SULF1: variants seen among roughly 807,000 people sequenced by gnomAD.
SULF1 encodes the protein sulfatase 1.
SULF1 carries 46 observed loss-of-function variants against 110.5 expected under a neutral mutation model. The ratio of observed to expected loss-of-function variants is 0.42; its 90% CI spans 0.33 to 0.53. The LOEUF (loss-of-function observed/expected upper bound fraction) is 0.53, where lower values mean the gene tolerates loss of function less well. Ranked by LOEUF, SULF1 falls within the 20% of genes least tolerant of loss-of-function variation. The pLI is 0.12. For missense variants in SULF1, 941 were observed against 1,094.2 expected (o/e 0.86, Z 1.98); for synonymous variants, 371 against 387.1 (o/e 0.96, Z 0.49).
intron 1 of SULF1, among the ~76,000 whole-genome samples, chr8:69,487,138 A>C (rs558654557): frequency 6.6e-6 from 1 of 152,336 alleles, no homozygotes; most frequent in Non-Finnish European, 1.5e-5. Context: ...ACTGCAGGCC[A>C]ATTTATTTGG....
At chr8:69,533,577 G>A (rs774541400) in intron 3 of SULF1, among the ~76,000 whole-genome samples, 9 of 152,114 alleles carry the variant, frequency 5.9e-5, no homozygotes, top group East Asian at 1.9e-4. Context: ...TGCAAAGGAC[G>A]TGATCTCATT....
At chr8:69,608,044 A>G (rs552401568) in intron 13 of SULF1, among the ~76,000 whole-genome samples, 94 of 152,236 alleles carry the variant, frequency 6.2e-4, no homozygotes, top group African/African-American at 2.2e-3. Context: ...CTCCTACCAC[A>G]TCTTTGTGCC....
intron 3 of SULF1, among the ~76,000 whole-genome samples, chr8:69,543,719 C>T (rs1814023810): frequency 6.6e-6 from 1 of 152,108 alleles, no homozygotes; most frequent in Admixed American, 6.5e-5. Context: ...TGACAAATAG[C>T]CACATCATTT....
In SULF1 at chr8:69,659,049, C is replaced by T. The variant is rs1279867758; in HGVS notation, c.*514C>T. 1.8e-5 allele frequency: 8 copies of T among 456,956 alleles called. No homozygotes were observed. The highest frequency in any genetic ancestry group is 7.0e-5 in the Admixed American group (3 of 42,574). The allele number at this position is 456,956 out of a possible 1,614,324, so 28.3% of individuals were successfully genotyped here. ...GCGATGGCATGACAGAGCTAGAGCT[C>T]GGGCCCAGCCCCAGGCTGCAGCCCA... On this transcript the variant is annotated 3_prime_UTR_variant, in exon 23 of 23. Coordinates refer to ENST00000402687, the MANE Select transcript of SULF1 (RefSeq NM_001128205.2).
At position 69,658,589 on chromosome 8, in the gene SULF1, G is replaced by A; in HGVS notation, c.*54G>A. The stretch of plus-strand genomic sequence containing the variant: ...TGGCAAGGCCTAGAGGAGCTACACA[G>A]TGTGAATGAAAACATCTATGAGTAC... On this transcript the variant is annotated 3_prime_UTR_variant, in exon 23 of 23. Transcript: ENST00000402687. 2 of 1,464,056 alleles carry A rather than the reference G, an allele frequency of 1.4e-6. No individual in the cohort carries two copies. Among genetic ancestry groups the A allele is most frequent in the Non-Finnish European group, 1.9e-6 (2 of 1,043,184 alleles). The allele number at this position is 1,464,056 out of a possible 1,614,324, so 90.7% of individuals were successfully genotyped here.
chr8:69,582,189 A>G (rs1243120952), intron 6 of SULF1, among the ~76,000 whole-genome samples: 3 of 150,940 alleles, frequency 2.0e-5, no homozygotes, highest in African/African-American at 7.4e-5. Flanking sequence ...TAAAGTGCAG[A>G]AAAAAAAATT....
intron 10 of SULF1, 95 bp downstream of exon 10, chr8:69,601,924 C>T: frequency 7.5e-7 from 1 of 1,332,258 alleles, no homozygotes; most frequent in Non-Finnish European, 1.0e-6. Context: ...TTCCTTTCAT[C>T]CAAAACAAAA....
intron 6 of SULF1, among the ~76,000 whole-genome samples, chr8:69,582,678 T>G (rs949453281): frequency 3.7e-5 from 5 of 136,298 alleles, no homozygotes; most frequent in Admixed American, 2.2e-4. Context: ...CTATGCTTTT[T>G]GCCTTCTTGG....
rs191238908 is a variant in SULF1 at position 69,660,439 on chromosome 8, T to A, written c.*1904T>A. 4.6e-3 allele frequency: 708 copies of A among 152,728 alleles called. 3 individuals carry two copies. The highest frequency in any genetic ancestry group is 6.9e-3 in the Non-Finnish European group (470 of 68,016). 9.5% of individuals were successfully genotyped at this position (152,728 alleles called of 1,614,324 possible). On this transcript the variant is annotated 3_prime_UTR_variant, in exon 23 of 23. Transcript: ENST00000402687. ...TATTCTTGAAAATATCCTTGTTGTG[T>A]ATTAGGTTTTTAAATACCAGCTAAA...
At position 69,628,167 on chromosome 8, in the gene SULF1, G is replaced by A. The variant is rs1236641223; in HGVS notation, c.2043-4G>A. 6 of 1,611,880 alleles carry A rather than the reference G, an allele frequency of 3.7e-6. No homozygotes were observed. Among genetic ancestry groups the A allele is most frequent in the Non-Finnish European group, 5.1e-6 (6 of 1,178,156 alleles). ...GTCTCACTTTTTAATCTTCTCTCCT[G>A]CAGCTATTACAATAAAGAGAAAGGT... On this transcript the variant is annotated splice_region_variant and splice_polypyrimidine_tract_variant and intron_variant, in intron 17 of 22. Transcript: ENST00000402687.
At chr8:69,530,189 C>T (rs1467204114) in intron 3 of SULF1, among the ~76,000 whole-genome samples, 2 of 152,076 alleles carry the variant, frequency 1.3e-5, no homozygotes, top group African/African-American at 4.8e-5. Flanking sequence ...ATTCTATTGC[C>T]CTACTGCTTG....
At chr8:69,646,391 G>A (rs980229432) in intron 22 of SULF1, among the ~76,000 whole-genome samples, 1 of 151,120 alleles carries the variant, frequency 6.6e-6, no homozygotes, top group African/African-American at 2.4e-5. Flanking sequence ...TAACCCTCTC[G>A]ATAACTTCGT....
intron 10 of SULF1, 110 bp from the exon 11 acceptor site, chr8:69,603,082 G>A: frequency 6.8e-7 from 1 of 1,465,482 alleles, no homozygotes; most frequent in Admixed American, 1.8e-5. Flanking sequence ...GACCAGATGA[G>A]AGGGTGAGAA....
At chr8:69,589,705 G>T (rs888319148) in intron 8 of SULF1, among the ~76,000 whole-genome samples, 1 of 152,116 alleles carries the variant, frequency 6.6e-6, no homozygotes, top group Non-Finnish European at 1.5e-5. Context: ...CTTGGAGATG[G>T]GGGGTGGGAA....
At chr8:69,475,124 A>C (rs1000869477) in intron 1 of SULF1, among the ~76,000 whole-genome samples, 3 of 151,862 alleles carry the variant, frequency 2.0e-5, no homozygotes, top group Non-Finnish European at 4.4e-5. Flanking sequence ...GAAAAAAAGG[A>C]ATGGAAGAGG....
intron 1 of SULF1, among the ~76,000 whole-genome samples, chr8:69,467,584 T>C (rs1808908741): frequency 6.6e-6 from 1 of 152,206 alleles, no homozygotes; most frequent in African/African-American, 2.4e-5. Context: ...AGGAGGAAAA[T>C]GCTCTTTAAC....
At position 69,575,960 on chromosome 8, in the gene SULF1, T is replaced by G. The variant is rs1364559679; in HGVS notation, c.173-10T>G. ...ACTTTGCTAAACAATGCTGGCACTG[T>G]GCCTTTCAGGGTCCCTGCAAGTCAT... is the stretch of plus-strand genomic sequence containing the variant. On this transcript the variant is annotated splice_polypyrimidine_tract_variant and intron_variant, in intron 5 of 22. Transcript: ENST00000402687. 1 of 1,613,208 alleles carries G rather than the reference T, an allele frequency of 6.2e-7. No individual in the cohort carries two copies. Among genetic ancestry groups the G allele is most frequent in the Non-Finnish European group, 8.5e-7 (1 of 1,179,596 alleles).
chr8:69,513,321 T>C (rs1319495676), intron 3 of SULF1, among the ~76,000 whole-genome samples: 1 of 152,186 alleles, frequency 6.6e-6, no homozygotes, highest in Non-Finnish European at 1.5e-5. Flanking sequence ...CCTGTGGAAA[T>C]AGAGCCAGAA....
At chr8:69,515,405 G>T (rs932801700) in intron 3 of SULF1, among the ~76,000 whole-genome samples, 1 of 152,296 alleles carries the variant, frequency 6.6e-6, no homozygotes, top group African/African-American at 2.4e-5. Flanking sequence ...AGGATGTGGG[G>T]TGCCATGTCC....
Sources: allele counts gnomAD v4.1 joint callset (sites outside exome capture counted in the v4.1 genomes callset), GRCh38; gene constraint gnomAD v4.1.1; transcripts MANE v1.5; gene names NCBI Gene and HGNC (gene_info 2026-07-23, HGNC 2026-07-21).